Variants in LZTS2 observed in about 807,000 individuals in gnomAD.
LZTS2 encodes the protein leucine zipper tumor suppressor 2, also known as leucine zipper putative tumor suppressor 2.
A neutral mutation model predicts 60.6 loss-of-function variants in LZTS2; 32 were observed. That is an observed-to-expected ratio of 0.53 (90% CI 0.40 to 0.71). LZTS2 has a LOEUF of 0.71. LZTS2 is among the 30% of genes least tolerant of loss of function. LZTS2 has a pLI of 0.00. For synonymous variants in LZTS2, 360 were observed against 393.1 expected (o/e 0.92, Z 1.00); for missense variants, 792 against 901.9 (o/e 0.88, Z 1.56).
At chr10:101,007,317 A>G in exon 4 of LZTS2, 2 of 1,420,854 alleles carry the variant, frequency 1.4e-6, no homozygotes, top group Non-Finnish European at 1.8e-6. Flanking sequence ...GCTTCTGCCA[A>G]GAACTCAGGG....
At chr10:100,996,732 G>A (rs182027731), upstream of LZTS2, 469 of 152,568 alleles carry the variant, frequency 3.1e-3, 1 homozygote, top group Admixed American at 6.4e-3. Flanking sequence ...TTCTTTGTCT[G>A]CTTCCCAGGG....
exon 3 of LZTS2, chr10:101,005,500 G>A (rs370833172): frequency 4.6e-5 from 73 of 1,584,506 alleles, no homozygotes; most frequent in Non-Finnish European, 6.0e-5. Context: ...AGAGCGTGAG[G>A]CCCTGCGAGA....
intron 3 of LZTS2, among the ~76,000 whole-genome samples, chr10:101,006,163 C>T (rs1033291129): frequency 6.6e-6 from 1 of 152,172 alleles, no homozygotes; most frequent in African/African-American, 2.4e-5. Flanking sequence ...CTGGGCACTG[C>T]CCTCCATTGT....
upstream of LZTS2, among the ~76,000 whole-genome samples, chr10:100,997,664 T>A (rs1471073963): frequency 6.6e-6 from 1 of 152,116 alleles, no homozygotes. Context: ...CTCCCGCAGG[T>A]GAAGACCAAG....
intron 3 of LZTS2, 85 bp from the exon 5 acceptor site, chr10:101,006,400 T>C (rs1852198440): frequency 2.0e-6 from 3 of 1,475,376 alleles, no homozygotes; most frequent in Non-Finnish European, 2.7e-6. Flanking sequence ...GACTCTTCTC[T>C]CCCAAATGCC....
upstream of LZTS2, among the ~76,000 whole-genome samples, chr10:100,997,521 C>T (rs552410144): frequency 6.6e-6 from 1 of 152,328 alleles, no homozygotes; most frequent in East Asian, 1.9e-4. Context: ...GGGACAGCGC[C>T]AGCCGGCCCG....
chr10:101,004,240 C>T (rs1852120023), intron 2 of LZTS2, 74 bp downstream of exon 3: 2 of 1,496,020 alleles, frequency 1.3e-6, no homozygotes, highest in Admixed American at 4.4e-5. Flanking sequence ...GCGGCATTTC[C>T]ATTTTGGCAG....
At chr10:101,003,753 G>A (rs1852100344) in exon 2 of LZTS2, 2 of 1,612,824 alleles carry the variant, frequency 1.2e-6, no homozygotes, top group Non-Finnish European at 8.5e-7. Flanking sequence ...GACGCTATCC[G>A]ACTCTGGCCG....
intron 2 of LZTS2, among the ~76,000 whole-genome samples, chr10:101,004,435 C>T (rs926416395): frequency 8.6e-5 from 13 of 151,886 alleles, no homozygotes; most frequent in African/African-American, 3.1e-4. Context: ...GGGGAAACCC[C>T]ATTTCTACTA....
At position 101,005,753 on chromosome 10, in the gene LZTS2, CAGGG is replaced by C. The variant is rs749238634; in HGVS notation, c.1326+41_1326+44del. The C allele has an allele frequency of 9.2e-5, 136 of 1,484,730 alleles. No homozygotes were observed. In the East Asian group the frequency reaches 3.3e-3, roughly 37 times the overall value. The allele number at this position is 1,484,730 out of a possible 1,614,324, so 92.0% of individuals were successfully genotyped here. ...AGGAGGGGCAGGGAGCAGGGTCACA[CAGGG>C]AGAAACCCTGGAAAAAGGGGCCCAG... On this transcript the variant is annotated intron_variant, in intron 3 of 3. Coordinates refer to ENST00000370220, the Ensembl canonical transcript of LZTS2.
At chr10:101,007,396 C>A in exon 4 of LZTS2, 1 of 1,427,512 alleles carries the variant, frequency 7.0e-7, no homozygotes, top group Non-Finnish European at 9.2e-7. Flanking sequence ...TACCCAGAGG[C>A]TCTTGTTACT....
exon 2 of LZTS2, chr10:101,003,839 GCCTTCCCAT>G (rs773854706): frequency 1.9e-6 from 3 of 1,613,374 alleles, no homozygotes; most frequent in Admixed American, 1.7e-5. Context: ...GCGGGCACCT[GCCTTCCCAT>G]GGCTCTGGGC....
chr10:100,999,365 G>C (rs897713275), upstream of LZTS2: 1 of 152,262 alleles, frequency 6.6e-6, no homozygotes, highest in African/African-American at 2.4e-5. Context: ...GCTAGGGCGC[G>C]GGGTCCCGGC....
chr10:101,005,939 G>A (rs773834148), intron 3 of LZTS2, among the ~76,000 whole-genome samples: 1 of 152,232 alleles, frequency 6.6e-6, no homozygotes, highest in Non-Finnish European at 1.5e-5. Flanking sequence ...AGAATGTGGT[G>A]CTTGTGGTGT....
exon 1 of LZTS2, chr10:101,000,073 G>C (rs1174677321): frequency 1.3e-5 from 2 of 152,466 alleles, no homozygotes; most frequent in East Asian, 3.9e-4. Context: ...GCTGGACTCT[G>C]GAGAATGGGT....
upstream of LZTS2, chr10:100,998,346 G>C (rs1851956564): frequency 6.5e-6 from 1 of 152,820 alleles, no homozygotes; most frequent in African/African-American, 2.4e-5. Flanking sequence ...TCAGGGCAAG[G>C]CCAGAGGAGG....
intron 1 of LZTS2, 21 bp downstream of exon 2, chr10:101,002,967 G>A (rs758383954): frequency 6.3e-7 from 1 of 1,591,996 alleles, no homozygotes; most frequent in South Asian, 1.1e-5. Flanking sequence ...GCTCTTCCTT[G>A]TGGGCCTGGG....
At chr10:100,999,365 G>A (rs897713275), upstream of LZTS2, 1 of 152,376 alleles carries the variant, frequency 6.6e-6, no homozygotes, top group East Asian at 1.9e-4. Flanking sequence ...GCTAGGGCGC[G>A]GGGTCCCGGC....
chr10:101,000,079 T>C (rs1050097283), exon 1 of LZTS2: 1 of 152,216 alleles, frequency 6.6e-6, no homozygotes, highest in Non-Finnish European at 1.5e-5. Context: ...CTCTGGAGAA[T>C]GGGTCAGGGG....
Sources: gnomAD v4.1 joint callset for allele counts (sites outside exome capture counted in the v4.1 genomes callset) on GRCh38, gnomAD v4.1.1 for gene constraint, MANE v1.5 for transcripts, NCBI Gene and HGNC (gene_info 2026-07-23, HGNC 2026-07-21) for gene names.